Variants in CRYL1 observed in about 807,000 individuals in gnomAD.
CRYL1 encodes lambda-crystallin homolog.
In CRYL1, 29 loss-of-function variants were observed where a neutral mutation model predicts 36.6. The observed-to-expected ratio is 0.79, with a 90% confidence interval of 0.59 to 1.08. The LOEUF is 1.08. Among genes scored for constraint, CRYL1 ranks in the 50% least tolerant of loss-of-function variants. CRYL1 has a pLI of 0.00. For synonymous variants in CRYL1, 152 were observed against 151.5 expected (o/e 1.00, Z -0.02); for missense variants, 411 against 407.9 (o/e 1.01, Z -0.06).
At chr13:20,441,885 CT>C (rs2032357958) in intron 3 of CRYL1, among the ~76,000 whole-genome samples, 2 of 152,040 alleles carry the variant, frequency 1.3e-5, no homozygotes, top group African/African-American at 4.8e-5. Context: ...CCATGTGAAT[CT>C]TTTTAAAGAA....
chr13:20,404,195 C>T lies in CRYL1; in HGVS notation c.894G>A (p.Arg298=). The part of the protein sequence containing the change: ...VPDDPEHLAA[R]RQWRDECLMR... ...TGAGGCACTCGTCCCTCCACTGCCT[C>T]CTGGCAGCTAAGTGCTCCGGGTCAT... Residue 298 remains arginine (R), a synonymous_variant, in exon 8 of 8, where the codon AGG becomes AGA. Transcript: ENST00000298248. 6.2e-7 allele frequency: 1 copy of T among 1,614,084 alleles called. No individual in the cohort carries two copies. Among genetic ancestry groups the T allele is most frequent in the Non-Finnish European group, 8.5e-7 (1 of 1,179,984 alleles).
intron 6 of CRYL1, among the ~76,000 whole-genome samples, chr13:20,411,405 T>C (rs1309670846): frequency 6.6e-6 from 1 of 152,248 alleles, no homozygotes; most frequent in African/African-American, 2.4e-5. Flanking sequence ...CTGTTTCTAT[T>C]TGTTTGAAAG....
intron 3 of CRYL1, among the ~76,000 whole-genome samples, chr13:20,461,385 T>C (rs1365960799): frequency 6.6e-6 from 1 of 152,274 alleles, no homozygotes; most frequent in East Asian, 1.9e-4. Context: ...GGACCTATGC[T>C]ATCTTCTAGA....
intron 2 of CRYL1, among the ~76,000 whole-genome samples, chr13:20,495,448 T>G (rs2033588297): frequency 6.6e-6 from 1 of 152,174 alleles, no homozygotes; most frequent in Admixed American, 6.5e-5. Context: ...TTAATTTTTT[T>G]TAATGTTTCT....
chr13:20,434,555 A>G (rs1174013692), intron 4 of CRYL1, among the ~76,000 whole-genome samples: 1 of 150,976 alleles, frequency 6.6e-6, no homozygotes, highest in African/African-American at 2.4e-5. Flanking sequence ...AGGGAAAAAA[A>G]GCTGGTCACT....
At chr13:20,462,784 G>GAA (rs2032857372) in intron 3 of CRYL1, among the ~76,000 whole-genome samples, 1 of 151,610 alleles carries the variant, frequency 6.6e-6, no homozygotes, top group Non-Finnish European at 1.5e-5. Context: ...CTGCAGGAAC[G>GAA]GTACCATCCC....
At chr13:20,421,629 G>A (rs912820355) in intron 5 of CRYL1, among the ~76,000 whole-genome samples, 1 of 152,024 alleles carries the variant, frequency 6.6e-6, no homozygotes, top group Non-Finnish European at 1.5e-5. Context: ...TTCTCTTGGG[G>A]GCTCCTTACC....
intron 1 of CRYL1, among the ~76,000 whole-genome samples, chr13:20,520,335 G>A (rs192727183): frequency 1.5e-3 from 222 of 150,982 alleles, no homozygotes; most frequent in African/African-American, 4.9e-3. Context: ...GCTGGCTGCG[G>A]GGTCTGAACC....
chr13:20,456,066 T>C (rs1026333937), intron 3 of CRYL1, among the ~76,000 whole-genome samples: 6 of 152,240 alleles, frequency 3.9e-5, no homozygotes, highest in African/African-American at 1.2e-4. Context: ...ATATACCTTA[T>C]ATTTTCCATG....
chr13:20,516,227 A>G (rs1223670728), intron 1 of CRYL1, among the ~76,000 whole-genome samples: 1 of 146,884 alleles, frequency 6.8e-6, no homozygotes, highest in Non-Finnish European at 1.5e-5. Context: ...ATTGTATGTT[A>G]TGTCTATTTT....
chr13:20,496,371 A>G (rs2033604678), intron 2 of CRYL1, among the ~76,000 whole-genome samples: 1 of 152,238 alleles, frequency 6.6e-6, no homozygotes, highest in East Asian at 1.9e-4. Flanking sequence ...ACACGTTAAA[A>G]TGGCAAAGAT....
intron 3 of CRYL1, among the ~76,000 whole-genome samples, chr13:20,469,426 T>TCTGGGTTCAGTATATG (rs1555230110): frequency 6.6e-6 from 1 of 152,272 alleles, no homozygotes; most frequent in East Asian, 1.9e-4. Flanking sequence ...GAAGTTCAGG[T>TCTGGGTTCAGTATATG]CTGGGTCAGC....
chr13:20,476,031 C>G (rs7324188), intron 3 of CRYL1, among the ~76,000 whole-genome samples: 99,684 of 151,760 alleles, frequency 0.66, 33,479 homozygotes, highest in East Asian at 0.8. Flanking sequence ...GCAGGTCCTG[C>G]GCACGCGGCA....
intron 2 of CRYL1, among the ~76,000 whole-genome samples, chr13:20,508,980 C>T (rs897523401): frequency 6.7e-6 from 1 of 150,046 alleles, no homozygotes; most frequent in Non-Finnish European, 1.5e-5. Context: ...GTGGGTGGAT[C>T]ACCTGAGGTC....
intron 5 of CRYL1, chr13:20,430,097 G>T: frequency 1.7e-6 from 1 of 595,072 alleles, no homozygotes; most frequent in Non-Finnish European, 2.1e-6. Flanking sequence ...CGGGGTGCCT[G>T]GTAGTGCCAT....
chr13:20,440,918 A>G (rs1045516860), intron 3 of CRYL1, among the ~76,000 whole-genome samples: 34 of 152,188 alleles, frequency 2.2e-4, no homozygotes, highest in African/African-American at 8.2e-4. Flanking sequence ...ACCTTCAAAC[A>G]TCCAGCGCTG....
At chr13:20,404,315 G>T in intron 7 of CRYL1, 73 bp from the exon 8 acceptor site, 1 of 1,030,814 alleles carries the variant, frequency 9.7e-7, no homozygotes, top group Non-Finnish European at 1.5e-6. Flanking sequence ...TATTGCTCTT[G>T]TTTATGCAAA....
At chr13:20,469,757 G>A (rs996150256) in intron 3 of CRYL1, among the ~76,000 whole-genome samples, 1 of 152,178 alleles carries the variant, frequency 6.6e-6, no homozygotes, top group African/African-American at 2.4e-5. Flanking sequence ...AAAGCCCCAG[G>A]AAACCTGTCA....
intron 5 of CRYL1, among the ~76,000 whole-genome samples, chr13:20,429,989 GC>G (rs1411047270): frequency 6.6e-6 from 1 of 152,110 alleles, no homozygotes; most frequent in African/African-American, 2.4e-5. Flanking sequence ...ACCACGACAA[GC>G]CCCCTCCTCC....
Sources: allele counts gnomAD v4.1 joint callset (sites outside exome capture counted in the v4.1 genomes callset), GRCh38; gene constraint gnomAD v4.1.1; transcripts MANE v1.5; gene names NCBI Gene and HGNC (gene_info 2026-07-23, HGNC 2026-07-21).